Variants in LCLAT1 observed in about 807,000 individuals in gnomAD.
LCLAT1 encodes 1-AGP acyltransferase 8.
Under a neutral mutation model 30.7 loss-of-function variants are expected in LCLAT1, and 11 were observed. That is an observed-to-expected ratio of 0.36 (90% CI 0.23 to 0.59). The LOEUF is 0.59. Ranked by LOEUF, LCLAT1 falls within the 20% of genes least tolerant of loss-of-function variation. The pLI is 0.77. For synonymous variants in LCLAT1, 155 were observed against 151.3 expected (o/e 1.02, Z -0.18); for missense variants, 402 against 458.6 (o/e 0.88, Z 1.13).
chr2:30,478,901 AG>A (rs921387207), intron 1 of LCLAT1, among the ~76,000 whole-genome samples: 15 of 152,288 alleles, frequency 9.8e-5, no homozygotes, highest in Admixed American at 7.8e-4. Flanking sequence ...ACATTGTAAA[AG>A]GGGAATCAAG....
chr2:30,489,352 TC>T (rs1683717924), intron 1 of LCLAT1: 1 of 77,144 alleles, frequency 1.3e-5, no homozygotes, highest in Non-Finnish European at 2.5e-5. Flanking sequence ...ACAGTTTCTT[TC>T]TTTCTTTTTT....
At chr2:30,590,110 C>CTT (rs1003774302) in intron 5 of LCLAT1, among the ~76,000 whole-genome samples, 2 of 152,128 alleles carry the variant, frequency 1.3e-5, no homozygotes, top group African/African-American at 4.8e-5. Flanking sequence ...TCTACTCAGA[C>CTT]TTTATCTAGA....
chr2:30,454,880 C>T (rs1681747999), intron 1 of LCLAT1, among the ~76,000 whole-genome samples: 1 of 152,208 alleles, frequency 6.6e-6, no homozygotes, highest in Non-Finnish European at 1.5e-5. Flanking sequence ...ATCTAGAGGA[C>T]TCCAAGGAGT....
chr2:30,548,153 T>G (rs144261439), intron 3 of LCLAT1, among the ~76,000 whole-genome samples: 48 of 152,202 alleles, frequency 3.2e-4, no homozygotes, highest in African/African-American at 1.1e-3. Context: ...TTGGCCGAGA[T>G]GAGTTTTGAT....
intron 5 of LCLAT1, chr2:30,606,017 C>G (rs1250975890): frequency 7.7e-7 from 1 of 1,297,710 alleles, no homozygotes. Context: ...GTTGATCAGG[C>G]AGGAGGCAGA....
At chr2:30,518,535 G>A (rs1232224292) in intron 1 of LCLAT1, among the ~76,000 whole-genome samples, 2 of 152,130 alleles carry the variant, frequency 1.3e-5, no homozygotes, top group Admixed American at 6.5e-5. Context: ...TAATAGCAAA[G>A]GACCTAAAAG....
At chr2:30,500,359 T>C (rs6761612) in intron 1 of LCLAT1, among the ~76,000 whole-genome samples, 6,071 of 152,286 alleles carry the variant, frequency 0.04, 426 homozygotes, top group African/African-American at 0.14. Context: ...TGTAGAATAG[T>C]GACTATATAT....
At chr2:30,623,276 G>A (rs557140905) in intron 5 of LCLAT1, among the ~76,000 whole-genome samples, 6 of 151,966 alleles carry the variant, frequency 3.9e-5, no homozygotes, top group Admixed American at 2.0e-4. Context: ...GGATGGTCTC[G>A]ATCTCCTGAC....
chr2:30,541,885 GTT>G (rs2148410767), intron 3 of LCLAT1, among the ~76,000 whole-genome samples: 1 of 152,280 alleles, frequency 6.6e-6, no homozygotes, highest in East Asian at 1.9e-4. Context: ...AGCATTAGGT[GTT>G]ATCAGTCTTT....
At chr2:30,587,692 A>G (rs72858981) in intron 5 of LCLAT1, among the ~76,000 whole-genome samples, 6,697 of 152,318 alleles carry the variant, frequency 0.044, 512 homozygotes, top group African/African-American at 0.15. Flanking sequence ...AAAGTTAAGC[A>G]AAACTTGAAT....
chr2:30,463,738 T>C (rs900943456), intron 1 of LCLAT1, among the ~76,000 whole-genome samples: 3 of 152,222 alleles, frequency 2.0e-5, no homozygotes, highest in Non-Finnish European at 2.9e-5. Context: ...AAGGAACTTG[T>C]GCATATGTTG....
intron 5 of LCLAT1, among the ~76,000 whole-genome samples, chr2:30,637,321 G>C (rs1399361204): frequency 2.0e-5 from 3 of 148,414 alleles, no homozygotes; most frequent in Non-Finnish European, 4.5e-5. Context: ...ATGAAAGATT[G>C]CTGGTTTTTT....
At chr2:30,463,334 T>C (rs1682261515) in intron 1 of LCLAT1, among the ~76,000 whole-genome samples, 1 of 152,162 alleles carries the variant, frequency 6.6e-6, no homozygotes, top group Non-Finnish European at 1.5e-5. Context: ...AAAACATGGT[T>C]TCTATTAATA....
chr2:30,512,891 G>A (rs1265794345), intron 1 of LCLAT1, among the ~76,000 whole-genome samples: 1 of 152,042 alleles, frequency 6.6e-6, no homozygotes, highest in Non-Finnish European at 1.5e-5. Context: ...CATGAACAAT[G>A]TTGTATCCAT....
chr2:30,628,041 T>G (rs1194564217), intron 5 of LCLAT1, among the ~76,000 whole-genome samples: 2 of 152,094 alleles, frequency 1.3e-5, no homozygotes, highest in Non-Finnish European at 2.9e-5. Flanking sequence ...AAAATTTCAA[T>G]TACAATAAAA....
Position 30,641,246 on chromosome 2 carries a change from A to AAGAT in LCLAT1, c.*629_*632dup, listed in dbSNP as rs1454088340. ...CCACCTGTGCCCTTTTCTCTCGTGG[A>AAGAT]AGATAAAACCTGGACTCAGGGAGCA... On this transcript the variant is annotated 3_prime_UTR_variant, in exon 6 of 6. Coordinates refer to ENST00000379509, the MANE Select transcript of LCLAT1 (RefSeq NM_001002257.3). 1 of 152,226 alleles carries AAGAT rather than the reference A, an allele frequency of 6.6e-6. No individual in the cohort carries two copies. The highest frequency in any genetic ancestry group is 1.5e-5 in the Non-Finnish European group (1 of 68,060). 9.4% of individuals were successfully genotyped at this position (152,226 alleles called of 1,614,324 possible).
rs778320699 is a variant in LCLAT1 at position 30,533,166 on chromosome 2, A to G, written c.216A>G (p.Ala72=). 3.1e-6 allele frequency: 5 copies of G among 1,614,102 alleles called. No individual in the cohort carries two copies. The South Asian group carries it at 5.5e-5, about 18-fold the overall frequency. Residue 72 remains alanine, a synonymous_variant, in exon 3 of 6, where the codon GCA becomes GCG. Coordinates refer to ENST00000379509, the MANE Select transcript of LCLAT1 (RefSeq NM_001002257.3). The part of the protein sequence containing the change: ...FGVKVIITGD[A]FVPGERSVII... ...TAAAAGTGATTATAACTGGGGATGCATTTGTTCCTGGAGAAAGAAGTGTCA... is the reference window on the plus strand; with the variant it reads ...TAAAAGTGATTATAACTGGGGATGCGTTTGTTCCTGGAGAAAGAAGTGTCA...
Position 30,568,864 on chromosome 2 carries a change from C to CAAAAAAAA in LCLAT1, c.628+701_628+708dup, listed in dbSNP as rs61325694. ...CCATTTCTCTAGTAATCATGAATAG[C>CAAAAAAAA]AAAAAAAAAAAAAAAAAAAAGAGAA... is the stretch of plus-strand genomic sequence containing the variant. On this transcript the variant is annotated intron_variant, in intron 5 of 5. Transcript: ENST00000379509. Among the ~76,000 whole-genome samples, 139 of 89,088 alleles carry CAAAAAAAA rather than the reference C, an allele frequency of 1.6e-3. 1 individual carries two copies. Among genetic ancestry groups the CAAAAAAAA allele is most frequent in the East Asian group, 7.0e-3 (18 of 2,576 alleles). The allele number at this position is 89,088 out of a possible 152,430, so 58.4% of individuals were successfully genotyped here.
At chr2:30,640,066 C>A in intron 5 of LCLAT1, 51 bp from the exon 6 acceptor site, 1 of 1,449,974 alleles carries the variant, frequency 6.9e-7, no homozygotes, top group Non-Finnish European at 9.5e-7. Flanking sequence ...TCAGCATTAT[C>A]ACCCAAATTG....
Sources: gnomAD v4.1 joint callset for allele counts (sites outside exome capture counted in the v4.1 genomes callset) on GRCh38, gnomAD v4.1.1 for gene constraint, MANE v1.5 for transcripts, NCBI Gene and HGNC (gene_info 2026-07-23, HGNC 2026-07-21) for gene names.